The following ZBTB41 variants were observed in gnomAD, a reference collection of about 807,000 sequenced individuals.
The protein encoded by ZBTB41 is zinc finger and BTB domain containing 41, also known as zinc finger and BTB domain-containing protein 41.
ZBTB41 carries 42 observed loss-of-function variants against 87.6 expected under a neutral mutation model. The observed-to-expected ratio is 0.48, with a 90% CI of 0.37 to 0.62. The LOEUF is 0.62. Ranked by LOEUF, ZBTB41 falls within the 20% of genes least tolerant of loss-of-function variation. The pLI, the probability that ZBTB41 is intolerant of heterozygous loss-of-function variation, is 0.00. For missense variants in ZBTB41, 799 were observed against 1,078.9 expected (o/e 0.74, Z 3.63); for synonymous variants, 364 against 364.0 (o/e 1.00, Z 0.00).
chr1:197,194,940 TA>T (rs1660124582), intron 2 of ZBTB41, among the ~76,000 whole-genome samples: 1 of 152,186 alleles, frequency 6.6e-6, no homozygotes, highest in Non-Finnish European at 1.5e-5. Flanking sequence ...AAATATATGT[TA>T]ATCTTCGATT....
rs536456880 is a variant in ZBTB41 at position 197,154,266 on chromosome 1, C to A, written c.*5093G>T. 7.9e-5 allele frequency: 12 copies of A among 152,618 alleles called. No homozygotes were observed. Among genetic ancestry groups the A allele is most frequent in the African/African-American group, 2.9e-4 (12 of 41,566 alleles). The allele number at this position is 152,618 out of a possible 1,614,324, so 9.5% of individuals were successfully genotyped here. On this transcript the variant is annotated 3_prime_UTR_variant, in exon 11 of 11. Coordinates refer to ENST00000367405, the MANE Select transcript of ZBTB41 (RefSeq NM_194314.3). ...ATACATCTTTTAGAATCTCCAACAG[C>A]AATGCAAGCATTGATTACTTTTCTT...
intron 3 of ZBTB41, 78 bp downstream of exon 3, chr1:197,191,614 T>C (rs551614673): frequency 8.5e-7 from 1 of 1,179,746 alleles, no homozygotes; most frequent in Admixed American, 2.6e-5. Flanking sequence ...ATAAGCACTT[T>C]ATAGATGTTT....
chr1:197,185,943 A>G lies in ZBTB41; in HGVS notation c.1546+2349T>C, dbSNP rs562352042. Among the ~76,000 whole-genome samples, 3 of 152,280 alleles carry G rather than the reference A, an allele frequency of 2.0e-5. No homozygotes were observed. In the South Asian group the frequency reaches 6.2e-4, roughly 32 times the overall value. Reference sequence around the variant, plus strand: ...TGCAATCCCAATCAAAATCCCAGAAAGTCATTTTGTGGATATCAACAAACT... The same window carrying G: ...TGCAATCCCAATCAAAATCCCAGAAGGTCATTTTGTGGATATCAACAAACT... On this transcript the variant is annotated intron_variant, in intron 5 of 10. Transcript: ENST00000367405.
At chr1:197,160,149 A>C (rs1659164391) in intron 10 of ZBTB41, 135 bp from the exon 11 acceptor site, 1 of 653,002 alleles carries the variant, frequency 1.5e-6, no homozygotes, top group Non-Finnish European at 2.6e-6. Context: ...TACTATCACA[A>C]AATGCAGACA....
At position 197,181,666 on chromosome 1, in the gene ZBTB41, A is replaced by G. The variant is rs536761409; in HGVS notation, c.1547-549T>C. On this transcript the variant is annotated intron_variant, in intron 5 of 10. Coordinates refer to ENST00000367405, the MANE Select transcript of ZBTB41 (RefSeq NM_194314.3). ...AGAATGCGTAAAAAAGAAGTTTAGT[A>G]AATACAGCTCAAAGAAGCTATATAT... Among the ~76,000 whole-genome samples, 21 of 152,316 alleles carry G rather than the reference A, an allele frequency of 1.4e-4. 1 individual carries two copies. In the East Asian group the frequency reaches 3.7e-3, roughly 27 times the overall value.
At chr1:197,160,526 A>G (rs1046523024) in intron 10 of ZBTB41, among the ~76,000 whole-genome samples, 3 of 152,188 alleles carry the variant, frequency 2.0e-5, no homozygotes, top group African/African-American at 7.2e-5. Flanking sequence ...GGATTAGATA[A>G]CAAGTAGTTA....
rs763331953 is a variant in ZBTB41, at chr1:197,159,930, T to G, written c.2159A>C (p.Asp720Ala). The change falls in exon 11 of 11, where the codon GAT becomes GCT. Residue 720 changes from aspartate (D) to alanine (A), a missense_variant. Physicochemically the swap from Asp to Ala is moderately radical, Grantham distance 126 (BLOSUM62 -2). Coordinates refer to ENST00000367405, the MANE Select transcript of ZBTB41 (RefSeq NM_194314.3). ...TLTKHLVIHS[D>A]ARPFNCQHCN... ...GTGCTGACAGTTGAAAGGTCGGGCATCAGAATGAATAACCAGGTGTTTTGT... is the reference window on the plus strand; with the variant it reads ...GTGCTGACAGTTGAAAGGTCGGGCAGCAGAATGAATAACCAGGTGTTTTGT... 6.2e-7 allele frequency: 1 copy of G among 1,613,878 alleles called. No individual in the cohort carries two copies. The highest frequency in any genetic ancestry group is 8.5e-7 in the Non-Finnish European group (1 of 1,179,818).
chr1:197,183,619 G>A (rs1056841867), intron 5 of ZBTB41, among the ~76,000 whole-genome samples: 7 of 152,082 alleles, frequency 4.6e-5, no homozygotes, highest in Non-Finnish European at 8.8e-5. Flanking sequence ...TACCTATTGC[G>A]CCGTAATTTA....
intron 9 of ZBTB41, among the ~76,000 whole-genome samples, chr1:197,173,257 G>C (rs1008575776): frequency 1.5e-4 from 23 of 152,060 alleles, no homozygotes; most frequent in African/African-American, 5.3e-4. Context: ...GAAATGTTTA[G>C]AACATTGTTA....
At chr1:197,188,538 A>T (rs1044896228) in intron 4 of ZBTB41, 99 bp from the exon 5 acceptor site, 3 of 1,157,174 alleles carry the variant, frequency 2.6e-6, no homozygotes, top group African/African-American at 3.2e-5. Context: ...CAATAAAGAG[A>T]CTTTTCTCCC....
At chr1:197,179,651 G>C (rs765527826) in intron 6 of ZBTB41, among the ~76,000 whole-genome samples, 7 of 151,978 alleles carry the variant, frequency 4.6e-5, no homozygotes, top group Non-Finnish European at 8.8e-5. Flanking sequence ...CCTTCCAGTG[G>C]GACAAGATGT....
At chr1:197,180,007 G>A (rs1295563645) in intron 6 of ZBTB41, among the ~76,000 whole-genome samples, 1 of 151,982 alleles carries the variant, frequency 6.6e-6, no homozygotes, top group Non-Finnish European at 1.5e-5. Flanking sequence ...GTACACTAAT[G>A]TCCGCGGCCT....
At chr1:197,169,952 T>TA (rs1215919541) in intron 10 of ZBTB41, among the ~76,000 whole-genome samples, 1 of 151,578 alleles carries the variant, frequency 6.6e-6, no homozygotes, top group African/African-American at 2.4e-5. Context: ...CTGTGTGGTT[T>TA]AAAAAAAATA....
In ZBTB41 at chr1:197,159,900, T is replaced by C; in HGVS notation, c.2189A>G (p.Asn730Ser). ...CTTGTCTTTCCGCTTAAATGTTGCA[T>C]TACAGTGCTGACAGTTGAAAGGTCG... Reference protein sequence around the residue: ...DARPFNCQHCNATFKRKDKLK... With the variant: ...DARPFNCQHCSATFKRKDKLK... Residue 730 changes from asparagine to serine, a missense_variant, in exon 11 of 11, where the codon AAT becomes AGT. Around this residue, in one of 5 missense-constraint regions of ZBTB41, gnomAD observed 198 missense variants for 358.4 expected, o/e 0.55. Coordinates refer to ENST00000367405, the MANE Select transcript of ZBTB41 (RefSeq NM_194314.3). 2 of 1,613,962 alleles carry C rather than the reference T, an allele frequency of 1.2e-6. No homozygotes were observed. Among genetic ancestry groups the C allele is most frequent in the Non-Finnish European group, 1.7e-6 (2 of 1,179,874 alleles).
At chr1:197,172,861 C>G (rs1659514369) in intron 9 of ZBTB41, among the ~76,000 whole-genome samples, 1 of 151,788 alleles carries the variant, frequency 6.6e-6, no homozygotes, top group Non-Finnish European at 1.5e-5. Context: ...AGTTCATGTC[C>G]TAACAAAAAA....
rs1660282205 is a variant in ZBTB41 at position 197,200,332 on chromosome 1, G to A, written c.142C>T (p.Leu48Phe). The A allele has an allele frequency of 1.2e-6, 2 of 1,614,092 alleles. No individual in the cohort carries two copies. The highest frequency in any genetic ancestry group is 2.7e-5 in the African/African-American group (2 of 74,934). The change falls in exon 2 of 11, where the codon CTT becomes TTT. Residue 48 changes from leucine (L) to phenylalanine (F), a missense_variant. Around this residue, in one of 5 missense-constraint regions of ZBTB41, gnomAD observed 77 missense variants for 68.4 expected, o/e 1.13. Coordinates refer to ENST00000367405, the MANE Select transcript of ZBTB41 (RefSeq NM_194314.3). Reference protein sequence around the residue: ...HSAGRPTPEALHCYQELPPSP... With the variant: ...HSAGRPTPEAFHCYQELPPSP... ...GGAGGAAGTTCCTGGTAACAGTGAA[G>A]AGCTTCAGGAGTTGGTCTTCCTGCA...
chr1:197,195,605 T>A (rs964348742), intron 2 of ZBTB41, among the ~76,000 whole-genome samples: 4 of 152,176 alleles, frequency 2.6e-5, no homozygotes, highest in Non-Finnish European at 4.4e-5. Flanking sequence ...CATTTTTTTT[T>A]AAAGGTATAA....
chr1:197,159,419 T>C lies in ZBTB41; in HGVS notation c.2670A>G (p.Leu890=). Residue 890 remains leucine (L), a synonymous_variant, in exon 11 of 11, where the codon TTA becomes TTG. Coordinates refer to ENST00000367405, the MANE Select transcript of ZBTB41 (RefSeq NM_194314.3). The part of the protein sequence containing the change: ...DPREQSYLGT[L]LGLDSTTGVQ... ...CACCAGTAGTGCTATCAAGGCCCAGTAATGTTCCAAGATAAGATTGTTCTC... is the reference window on the plus strand; with the variant it reads ...CACCAGTAGTGCTATCAAGGCCCAGCAATGTTCCAAGATAAGATTGTTCTC... The C allele has an allele frequency of 6.2e-7, 1 of 1,613,910 alleles. No individual in the cohort carries two copies. Among genetic ancestry groups the C allele is most frequent in the South Asian group, 1.1e-5 (1 of 91,084 alleles).
At chr1:197,182,014 T>C (rs1330788714) in intron 5 of ZBTB41, among the ~76,000 whole-genome samples, 1 of 152,162 alleles carries the variant, frequency 6.6e-6, no homozygotes, top group African/African-American at 2.4e-5. Context: ...ATTTATTTAT[T>C]CTTAATTCAC....
Sources: gnomAD v4.1 joint callset for allele counts (sites outside exome capture counted in the v4.1 genomes callset) on GRCh38, gnomAD v4.1.1 for gene constraint, gnomAD v4.1.1 regional missense constraint, MANE v1.5 for transcripts, NCBI Gene and HGNC (gene_info 2026-07-23, HGNC 2026-07-21) for gene names.